The following PTPRZ1 variants were observed in gnomAD, a reference collection of about 807,000 sequenced individuals.
The protein encoded by PTPRZ1 is receptor-type tyrosine-protein phosphatase zeta.
Under a neutral mutation model 214.1 loss-of-function variants are expected in PTPRZ1, and 82 were observed. That is an observed-to-expected ratio of 0.38 (90% CI 0.32 to 0.46). The LOEUF is 0.46. Ranked by LOEUF, PTPRZ1 falls within the 20% of genes least tolerant of loss-of-function variation. PTPRZ1 has a pLI of 1.00. For synonymous variants in PTPRZ1, 945 were observed against 987.9 expected, an observed-to-expected ratio of 0.96 and a Z score of 0.81; for missense variants, 2,603 against 2,748.7, an observed-to-expected ratio of 0.95 and a Z score of 1.19.
At chr7:121,922,487 G>T (rs1164113358) in intron 1 of PTPRZ1, among the ~76,000 whole-genome samples, 3 of 152,106 alleles carry the variant, frequency 2.0e-5, no homozygotes, top group Non-Finnish European at 2.9e-5. Flanking sequence ...AACCCAGGGC[G>T]TAGGCGTGGG....
Position 122,012,499 on chromosome 7 carries a change from A to G in PTPRZ1, c.3453A>G (p.Ala1151=), listed in dbSNP as rs759371248. The change falls in exon 12 of 30, where the codon GCA becomes GCG. Residue 1151 remains alanine, a synonymous_variant. Transcript: ENST00000393386. ...TGCTTAGTGCAAACTCAGAGCCAGC[A>G]TCCTCTGACCCTGCTTCTAGTGAAA... The part of the protein sequence containing the change: ...KPVLSANSEP[A]SSDPASSEML... The G allele has an allele frequency of 3.7e-6, 6 of 1,614,044 alleles. No homozygotes were observed. The South Asian group carries it at 6.6e-5, about 18-fold the overall frequency.
intron 13 of PTPRZ1, among the ~76,000 whole-genome samples, chr7:122,020,716 T>C (rs1798988986): frequency 6.6e-6 from 1 of 152,170 alleles, no homozygotes; most frequent in African/African-American, 2.4e-5. Context: ...GGAGAACAGA[T>C]CATGCTTTTG....
intron 1 of PTPRZ1, among the ~76,000 whole-genome samples, chr7:121,914,052 G>T (rs1795350188): frequency 6.6e-6 from 1 of 152,168 alleles, no homozygotes; most frequent in African/African-American, 2.4e-5. Context: ...GGTGGCTCAT[G>T]CCTCTGATCC....
At chr7:121,991,843 G>C (rs973128703) in intron 8 of PTPRZ1, among the ~76,000 whole-genome samples, 1 of 152,150 alleles carries the variant, frequency 6.6e-6, no homozygotes. Context: ...TTCAGCATTT[G>C]TGTCAATGTT....
chr7:121,879,716 A>T (rs1562997577), intron 1 of PTPRZ1, among the ~76,000 whole-genome samples: 1 of 152,224 alleles, frequency 6.6e-6, no homozygotes, highest in East Asian at 1.9e-4. Flanking sequence ...GAAAAAAAGG[A>T]GATGATCTTT....
intron 3 of PTPRZ1, among the ~76,000 whole-genome samples, chr7:121,970,824 A>T (rs573418265): frequency 7.9e-5 from 12 of 151,996 alleles, no homozygotes; most frequent in African/African-American, 2.9e-4. Flanking sequence ...CCATTTGTCA[A>T]TTTTGGCTTT....
At chr7:121,971,299 G>A (rs1797239706) in intron 3 of PTPRZ1, among the ~76,000 whole-genome samples, 1 of 152,246 alleles carries the variant, frequency 6.6e-6, no homozygotes, top group East Asian at 1.9e-4. Context: ...TTTATAACCA[G>A]AGAAAAATGG....
intron 1 of PTPRZ1, among the ~76,000 whole-genome samples, chr7:121,890,701 C>T (rs182142939): frequency 7.4e-4 from 113 of 151,934 alleles, no homozygotes; most frequent in African/African-American, 2.7e-3. Context: ...GACAGGTCTC[C>T]CTCTGTCACC....
Position 122,012,509 on chromosome 7 carries a change from C to G in PTPRZ1, c.3463C>G (p.Pro1155Ala). Residue 1155 changes from proline (P) to alanine (A), a missense_variant, in exon 12 of 30, where the codon CCT becomes GCT. Coordinates refer to ENST00000393386, the MANE Select transcript of PTPRZ1 (RefSeq NM_002851.3). ...SANSEPASSD[P>A]ASSEMLSPST... ...AAACTCAGAGCCAGCATCCTCTGACCCTGCTTCTAGTGAAATGTTATCTCC... is the reference window on the plus strand; with the variant it reads ...AAACTCAGAGCCAGCATCCTCTGACGCTGCTTCTAGTGAAATGTTATCTCC... 3 of 1,614,018 alleles carry G rather than the reference C, an allele frequency of 1.9e-6. No individual in the cohort carries two copies. Among genetic ancestry groups the G allele is most frequent in the Non-Finnish European group, 1.7e-6 (2 of 1,179,964 alleles).
chr7:121,996,641 T>C, intron 9 of PTPRZ1, 75 bp downstream of exon 9: 1 of 1,175,194 alleles, frequency 8.5e-7, no homozygotes, highest in Non-Finnish European at 1.1e-6. Flanking sequence ...TACAAATGGT[T>C]GTATATTATT....
chr7:122,001,062 TAAA>T (rs1157227215), intron 10 of PTPRZ1, among the ~76,000 whole-genome samples: 1 of 152,110 alleles, frequency 6.6e-6, no homozygotes, highest in Admixed American at 6.6e-5. Context: ...CTAAATGTGA[TAAA>T]ACTATGCATT....
intron 8 of PTPRZ1, 47 bp from the exon 9 acceptor site, chr7:121,996,335 C>T (rs1798132424): frequency 7.4e-7 from 1 of 1,352,786 alleles, no homozygotes; most frequent in African/African-American, 1.5e-5. Flanking sequence ...TTATTCAAGT[C>T]CTCAAGGCTA....
At chr7:121,980,342 C>T (rs922298559) in intron 6 of PTPRZ1, among the ~76,000 whole-genome samples, 11 of 152,122 alleles carry the variant, frequency 7.2e-5, no homozygotes, top group Admixed American at 7.2e-4. Flanking sequence ...GGTAATTTAA[C>T]TACAACACTT....
chr7:121,985,026 T>C lies in PTPRZ1; in HGVS notation c.928+909T>C, dbSNP rs574027720. Among the ~76,000 whole-genome samples the C allele has an allele frequency of 2.0e-5, 3 of 152,320 alleles. No individual in the cohort carries two copies. The East Asian group carries it at 5.8e-4, about 29-fold the overall frequency. On this transcript the variant is annotated intron_variant, in intron 8 of 29. Coordinates refer to ENST00000393386, the MANE Select transcript of PTPRZ1 (RefSeq NM_002851.3). ...TTTTTTGCCATGTATAATATTAATTTAATAATCATCTGCTTTTGAAGATTA... is the reference window on the plus strand; with the variant it reads ...TTTTTTGCCATGTATAATATTAATTCAATAATCATCTGCTTTTGAAGATTA...
chr7:121,918,992 T>C (rs1328547977), intron 1 of PTPRZ1, among the ~76,000 whole-genome samples: 2 of 152,054 alleles, frequency 1.3e-5, no homozygotes, highest in Non-Finnish European at 2.9e-5. Context: ...TTTTCAATGT[T>C]GTAAACATCT....
intron 13 of PTPRZ1, among the ~76,000 whole-genome samples, chr7:122,020,128 A>G (rs1007782672): frequency 2.0e-5 from 3 of 152,194 alleles, no homozygotes; most frequent in African/African-American, 7.2e-5. Context: ...GTAACTTTGT[A>G]TCAGCACTCT....
intron 14 of PTPRZ1, among the ~76,000 whole-genome samples, chr7:122,030,275 T>TC (rs1799333535): frequency 1.3e-5 from 2 of 152,112 alleles, no homozygotes; most frequent in African/African-American, 4.8e-5. Flanking sequence ...AATGTTAGTC[T>TC]CACTTACTTG....
intron 1 of PTPRZ1, among the ~76,000 whole-genome samples, chr7:121,926,767 T>A (rs1375873327): frequency 1.3e-5 from 2 of 152,254 alleles, no homozygotes; most frequent in South Asian, 2.1e-4. Context: ...AGCCATTGAC[T>A]TGTACACTTT....
intron 1 of PTPRZ1, among the ~76,000 whole-genome samples, chr7:121,878,657 C>A (rs1794138423): frequency 1.3e-5 from 2 of 152,120 alleles, no homozygotes; most frequent in South Asian, 4.1e-4. Flanking sequence ...ATAATTTGTT[C>A]TGTTATCCAC....
Sources: allele counts gnomAD v4.1 joint callset (sites outside exome capture counted in the v4.1 genomes callset), GRCh38; gene constraint gnomAD v4.1.1; transcripts MANE v1.5; gene names NCBI Gene and HGNC (gene_info 2026-07-23, HGNC 2026-07-21).